The following HMGN5 variants were observed in gnomAD, a reference collection of about 807,000 sequenced individuals.
The protein encoded by HMGN5 is high mobility group nucleosome binding domain 5, also known as high mobility group nucleosome-binding domain-containing protein 5.
Under a neutral mutation model 9.5 loss-of-function variants are expected in HMGN5, and 4 were observed. The observed-to-expected ratio is 0.42, with a 90% CI of 0.21 to 0.96. The LOEUF (loss-of-function observed/expected upper bound fraction) is 0.96, where lower values mean the gene tolerates loss of function less well. Ranked by LOEUF, HMGN5 falls within the 40% of genes least tolerant of loss-of-function variation. The pLI, the probability that HMGN5 is intolerant of heterozygous loss-of-function variation, is 0.30. For missense variants in HMGN5, 192 were observed against 187.5 expected (o/e 1.02, Z -0.14); for synonymous variants, 55 against 57.1 (o/e 0.96, Z 0.16).
intron 1 of HMGN5, among the ~76,000 whole-genome samples, chrX:81,165,103 A>G (rs2075407530): frequency 9.0e-6 from 1 of 111,445 alleles, no homozygotes; most frequent in African/African-American, 3.3e-5. Context: ...TCTGACATCA[A>G]ATATTGAAAG....
intron 1 of HMGN5, among the ~76,000 whole-genome samples, chrX:81,156,703 G>C (rs1367389707): frequency 9.0e-6 from 1 of 111,224 alleles, no homozygotes; most frequent in African/African-American, 3.3e-5. Context: ...GCTCACCACT[G>C]TATCCCAAGG....
At chrX:81,154,227 AT>A (rs1157515450) in intron 1 of HMGN5, among the ~76,000 whole-genome samples, 1 of 111,604 alleles carries the variant, frequency 9.0e-6, no homozygotes, top group Non-Finnish European at 1.9e-5. Context: ...CAGTGAACTC[AT>A]TTTTAAGGTA....
chrX:81,116,476 C>G (rs1188150492), intron 5 of HMGN5, 135 bp from the exon 6 acceptor site: 7 of 404,667 alleles, frequency 1.7e-5, no homozygotes, highest in Non-Finnish European at 2.9e-5. Flanking sequence ...AATCTGGTAT[C>G]AACAAAATTA....
chrX:81,141,421 A>G (rs1405205140), intron 1 of HMGN5, among the ~76,000 whole-genome samples: 4 of 109,227 alleles, frequency 3.7e-5, no homozygotes, highest in African/African-American at 1.3e-4. Flanking sequence ...GGCCACAAGA[A>G]TGCTTATTTC....
At position 81,172,652 on chromosome X, in the gene HMGN5, C is replaced by A. The variant is rs183279024; in HGVS notation, c.-124+29085G>T. 7.4e-4 allele frequency among the ~76,000 whole-genome samples: 80 copies of A among 108,681 alleles called. No individual in the cohort carries two copies. In the East Asian group the frequency reaches 0.013, roughly 18 times the overall value. 94.4% of individuals were successfully genotyped at this position (108,681 alleles called of 115,157 possible). On this transcript the variant is annotated intron_variant, in intron 1 of 6. Coordinates refer to ENST00000358130, the MANE Select transcript of HMGN5 (RefSeq NM_030763.3). ...TTTAAACTTTGGTAAAAAGTCCAGG[C>A]CAAAGAAACAAAGACTGATAATATC...
At chrX:81,165,098 C>T in intron 1 of HMGN5, among the ~76,000 whole-genome samples, 1 of 111,449 alleles carries the variant, frequency 9.0e-6, no homozygotes. Flanking sequence ...CTTTATCTGA[C>T]ATCAAATATT....
chrX:81,155,497 C>A (rs904851616), intron 1 of HMGN5, among the ~76,000 whole-genome samples: 1 of 109,626 alleles, frequency 9.1e-6, no homozygotes, highest in Non-Finnish European at 1.9e-5. Context: ...TAGCCACAAA[C>A]AGTAAAAACT....
intron 1 of HMGN5, among the ~76,000 whole-genome samples, chrX:81,156,994 C>A (rs944930014): frequency 2.7e-5 from 3 of 111,797 alleles, no homozygotes; most frequent in African/African-American, 9.7e-5. Context: ...AGCATGAGAA[C>A]CTCCATGAAT....
intron 1 of HMGN5, among the ~76,000 whole-genome samples, chrX:81,163,034 A>C (rs769499254): frequency 1.8e-5 from 2 of 111,468 alleles, no homozygotes. Flanking sequence ...GGTACAAGTA[A>C]TGTTTTGTGA....
At chrX:81,155,138 C>A (rs1483895886) in intron 1 of HMGN5, among the ~76,000 whole-genome samples, 1 of 86,709 alleles carries the variant, frequency 1.2e-5, no homozygotes, top group Admixed American at 1.4e-4. Flanking sequence ...TATATATATA[C>A]TCTTAAAACT....
chrX:81,190,510 C>A (rs953128640), intron 1 of HMGN5, among the ~76,000 whole-genome samples: 3 of 111,115 alleles, frequency 2.7e-5, no homozygotes, highest in African/African-American at 6.5e-5. Context: ...CAGCCTCTAG[C>A]AACTACCAAT....
chrX:81,122,223 G>T (rs1172084291), intron 1 of HMGN5, among the ~76,000 whole-genome samples: 1 of 111,923 alleles, frequency 8.9e-6, no homozygotes, highest in South Asian at 3.7e-4. Context: ...CAAGAGGAGG[G>T]TGCCAAAATG....
intron 1 of HMGN5, among the ~76,000 whole-genome samples, chrX:81,196,700 C>T (rs1232570287): frequency 1.8e-5 from 2 of 110,177 alleles, no homozygotes; most frequent in Admixed American, 1.9e-4. Flanking sequence ...CACCACCACG[C>T]CTGGCTAATT....
At chrX:81,138,235 G>T (rs2075317095) in intron 1 of HMGN5, among the ~76,000 whole-genome samples, 1 of 111,790 alleles carries the variant, frequency 8.9e-6, no homozygotes, top group Non-Finnish European at 1.9e-5. Context: ...ATGTATAAAA[G>T]AAATTACATA....
rs1569346265 is a variant in HMGN5, at chrX:81,153,585, ATATATATATATATATATATATATATAT to A, written c.-123-31940_-123-31914del. On this transcript the variant is annotated intron_variant, in intron 1 of 6. Coordinates refer to ENST00000358130, the MANE Select transcript of HMGN5 (RefSeq NM_030763.3). ...TCTCTCTCTCTCTCTCTCTCTCTCT[ATATATATATATATATATATATATATAT>A]ATATATATATATATATATATATATA... Among the ~76,000 whole-genome samples, 23 of 3,320 alleles carry A rather than the reference ATATATATATATATATATATATATATAT, an allele frequency of 6.9e-3. 1 individual carries two copies. The highest frequency in any genetic ancestry group is 0.04 in the Admixed American group (9 of 223). 2.9% of individuals were successfully genotyped at this position (3,320 alleles called of 115,157 possible). A position where few individuals can be genotyped will look rare whatever the true frequency, so the allele number is the denominator to read the frequency against.
intron 1 of HMGN5, among the ~76,000 whole-genome samples, chrX:81,160,773 G>C (rs1025237276): frequency 5.4e-5 from 6 of 111,050 alleles, no homozygotes; most frequent in African/African-American, 2.0e-4. Flanking sequence ...GCCTATCATT[G>C]TTGGGCATTT....
intron 1 of HMGN5, among the ~76,000 whole-genome samples, chrX:81,153,585 ATATATATAT>A (rs2075373568): frequency 6.0e-4 from 2 of 3,321 alleles, no homozygotes; most frequent in African/African-American, 2.1e-3. Context: ...CTCTCTCTCT[ATATATATAT>A]ATATATATAT....
chrX:81,121,857 G>A (rs1390809094), intron 1 of HMGN5, among the ~76,000 whole-genome samples, 185 bp from the exon 2 acceptor site: 2 of 112,658 alleles, frequency 1.8e-5, no homozygotes, highest in African/African-American at 3.2e-5. Flanking sequence ...GTTCCCTGTC[G>A]GCTCTAACCG....
intron 6 of HMGN5, among the ~76,000 whole-genome samples, chrX:81,115,632 A>T (rs940938377): frequency 8.9e-6 from 1 of 112,077 alleles, no homozygotes; most frequent in African/African-American, 3.2e-5. Context: ...TTCTATAATA[A>T]TGATATTTTT....
Sources: gnomAD v4.1 joint callset for allele counts (sites outside exome capture counted in the v4.1 genomes callset) on GRCh38, gnomAD v4.1.1 for gene constraint, MANE v1.5 for transcripts, NCBI Gene and HGNC (gene_info 2026-07-23, HGNC 2026-07-21) for gene names.